ROBO2: variants seen among roughly 807,000 people sequenced by gnomAD.
ROBO2 encodes the protein roundabout homolog 2.
ROBO2 carries 53 observed loss-of-function variants against 160.8 expected under a neutral mutation model. The observed-to-expected ratio is 0.33, with a 90% CI of 0.26 to 0.41. ROBO2 has a LOEUF of 0.41. ROBO2 is among the 10% of genes least tolerant of loss of function. ROBO2 has a pLI of 1.00. For synonymous variants in ROBO2, 664 were observed against 611.7 expected, an observed-to-expected ratio of 1.09 and a Z score of -1.26; for missense variants, 1,577 against 1,722.4, an observed-to-expected ratio of 0.92 and a Z score of 1.49.
At chr3:76,547,019 A>G (rs74881637) in intron 2 of ROBO2, among the ~76,000 whole-genome samples, 5,867 of 151,998 alleles carry the variant, frequency 0.039, 304 homozygotes, top group African/African-American at 0.12. Context: ...TTACTTAATT[A>G]CTCTAGAGAG....
intron 2 of ROBO2, among the ~76,000 whole-genome samples, chr3:76,525,433 A>C (rs1040385392): frequency 6.6e-6 from 1 of 151,988 alleles, no homozygotes; most frequent in Non-Finnish European, 1.5e-5. Context: ...TAGCTCTTTA[A>C]AAGTGGGTTA....
rs66551785 is a variant in ROBO2 at position 77,445,784 on chromosome 3, GTT to G, written c.389-31622_389-31621del. 1.1e-4 allele frequency among the ~76,000 whole-genome samples: 12 copies of G among 107,798 alleles called. No individual in the cohort carries two copies. The South Asian group carries it at 3.9e-3, about 35-fold the overall frequency. The allele number at this position is 107,798 out of a possible 152,430, so 70.7% of individuals were successfully genotyped here. A position where few individuals can be genotyped will look rare whatever the true frequency, so the allele number is the denominator to read the frequency against. ...CCAGTTGCTTTTAAACAATTAAAAG[GTT>G]TTTTTTTGTTTTTTTTTTTTTTTTT... On this transcript the variant is annotated intron_variant, in intron 2 of 25. Coordinates refer to ENST00000461745, the Ensembl canonical transcript of ROBO2.
At chr3:77,580,074 G>A in exon 16 of ROBO2, 1 of 1,613,878 alleles carries the variant, frequency 6.2e-7, no homozygotes. Context: ...GCTAGTACCA[G>A]TGCAGGGGTT....
At chr3:76,300,918 G>A (rs1709323743) in intron 2 of ROBO2, among the ~76,000 whole-genome samples, 1 of 152,038 alleles carries the variant, frequency 6.6e-6, no homozygotes, top group Admixed American at 6.6e-5. Flanking sequence ...TGTGAGTCAT[G>A]GTTTTGTCAC....
chr3:77,567,961 T>C (rs1051924039), intron 12 of ROBO2, among the ~76,000 whole-genome samples: 2 of 152,190 alleles, frequency 1.3e-5, no homozygotes, highest in African/African-American at 2.4e-5. Context: ...AAAGCTGCTC[T>C]TTCTAGAGAT....
At chr3:76,242,845 C>T (rs1419352073) in intron 2 of ROBO2, among the ~76,000 whole-genome samples, 1 of 152,168 alleles carries the variant, frequency 6.6e-6, no homozygotes, top group Non-Finnish European at 1.5e-5. Flanking sequence ...GATAGTGCCA[C>T]TGCACTCCAG....
intron 2 of ROBO2, among the ~76,000 whole-genome samples, chr3:76,223,643 T>C (rs1286130007): frequency 6.6e-6 from 1 of 152,180 alleles, no homozygotes; most frequent in Non-Finnish European, 1.5e-5. Context: ...ACAACTTGTA[T>C]TGCAATTAAG....
chr3:76,156,987 A>G (rs139031207), intron 2 of ROBO2, among the ~76,000 whole-genome samples: 13 of 152,170 alleles, frequency 8.5e-5, no homozygotes, highest in African/African-American at 2.9e-4. Context: ...AATAAAAATA[A>G]AAGTAAATAA....
chr3:76,414,509 C>A (rs922198999), intron 2 of ROBO2, among the ~76,000 whole-genome samples: 3 of 149,676 alleles, frequency 2.0e-5, no homozygotes, highest in Non-Finnish European at 4.4e-5. Context: ...AGTAAACTAT[C>A]GCAAGAAGAA....
At chr3:76,416,489 C>G (rs2075764129) in intron 2 of ROBO2, among the ~76,000 whole-genome samples, 1 of 152,018 alleles carries the variant, frequency 6.6e-6, no homozygotes, top group Non-Finnish European at 1.5e-5. Context: ...TACATTTTGA[C>G]CATTATATTC....
intron 2 of ROBO2, among the ~76,000 whole-genome samples, chr3:76,575,920 T>A (rs2085260470): frequency 6.6e-6 from 1 of 151,666 alleles, no homozygotes; most frequent in South Asian, 2.1e-4. Context: ...TCATTTTTTT[T>A]AGAGTAAGGT....
At chr3:77,423,173 C>A (rs1025356875) in intron 2 of ROBO2, among the ~76,000 whole-genome samples, 1 of 152,146 alleles carries the variant, frequency 6.6e-6, no homozygotes, top group Middle Eastern at 3.2e-3. Context: ...TTTTCACCAG[C>A]TTATGAAGCA....
chr3:77,558,073 A>G (rs761808497), exon 9 of ROBO2: 1 of 1,613,268 alleles, frequency 6.2e-7, no homozygotes, highest in Non-Finnish European at 8.5e-7. Context: ...TGGTTAAAGG[A>G]GGGATTTACT....
At chr3:76,061,487 G>A (rs927087094) in intron 2 of ROBO2, among the ~76,000 whole-genome samples, 1 of 152,084 alleles carries the variant, frequency 6.6e-6, no homozygotes, top group East Asian at 1.9e-4. Flanking sequence ...AATATTGCTT[G>A]CTTGTATTTT....
At chr3:76,460,159 G>A (rs879308611) in intron 2 of ROBO2, among the ~76,000 whole-genome samples, 8 of 151,602 alleles carry the variant, frequency 5.3e-5, no homozygotes, top group Non-Finnish European at 1.2e-4. Flanking sequence ...AAAAAACTGA[G>A]CACAAAGATG....
At chr3:77,410,542 C>T (rs1384238343) in intron 2 of ROBO2, among the ~76,000 whole-genome samples, 5 of 138,118 alleles carry the variant, frequency 3.6e-5, no homozygotes, top group Non-Finnish European at 6.5e-5. Flanking sequence ...TCCTCCTCTT[C>T]TTCCTCCTCT....
intron 2 of ROBO2, among the ~76,000 whole-genome samples, chr3:76,626,851 C>T (rs2089677679): frequency 6.6e-6 from 1 of 152,070 alleles, no homozygotes; most frequent in Non-Finnish European, 1.5e-5. Flanking sequence ...ACCACCACAC[C>T]CAGCTAATTT....
intron 2 of ROBO2, among the ~76,000 whole-genome samples, chr3:76,567,634 T>TATATATATATATATATAC (rs1560162574): frequency 7.1e-5 from 6 of 84,602 alleles, no homozygotes; most frequent in Non-Finnish European, 1.2e-4. Flanking sequence ...TATATATATA[T>TATATATATATATATATAC]ATATATATAT....
intron 2 of ROBO2, among the ~76,000 whole-genome samples, chr3:76,740,936 C>T (rs1306032780): frequency 6.6e-6 from 1 of 151,996 alleles, no homozygotes. Flanking sequence ...AATTTACTTG[C>T]CTTATCTTAT....
Sources: allele counts gnomAD v4.1 joint callset (sites outside exome capture counted in the v4.1 genomes callset), GRCh38; gene constraint gnomAD v4.1.1; transcripts MANE v1.5; gene names NCBI Gene and HGNC (gene_info 2026-07-23, HGNC 2026-07-21).